Variants in KCNMA1 observed in about 807,000 individuals in gnomAD.
The protein encoded by KCNMA1 is Calcium-activated potassium channel subunit alpha-1.
In KCNMA1, 29 loss-of-function variants were observed where a neutral mutation model predicts 140.0. That is an observed-to-expected ratio of 0.21 (90% CI 0.15 to 0.28). The LOEUF (loss-of-function observed/expected upper bound fraction) is 0.28. Among genes scored for constraint, KCNMA1 ranks in the 10% least tolerant of loss-of-function variants. The probability of loss-of-function intolerance (pLI) is 1.00; values close to 1 mark genes in which losing one functional copy is unlikely to be tolerated. For missense variants in KCNMA1, 880 were observed against 1,602.2 expected, an observed-to-expected ratio of 0.55 and a Z score of 7.70; for synonymous variants, 612 against 611.9, an observed-to-expected ratio of 1.00 and a Z score of 0.00.
intron 5 of KCNMA1, among the ~76,000 whole-genome samples, chr10:77,182,953 T>G (rs182237766): frequency 6.6e-6 from 1 of 152,176 alleles, no homozygotes; most frequent in East Asian, 1.9e-4. Context: ...AAGCTTCATC[T>G]CTCCCTGCCC....
chr10:77,006,408 T>C (rs2088663118), intron 18 of KCNMA1, among the ~76,000 whole-genome samples: 1 of 152,200 alleles, frequency 6.6e-6, no homozygotes, highest in Admixed American at 6.5e-5. Flanking sequence ...CTACTCTTCA[T>C]GGGCTCTGCA....
intron 2 of KCNMA1, among the ~76,000 whole-genome samples, chr10:77,265,396 G>A (rs186637872): frequency 1.2e-4 from 18 of 152,224 alleles, no homozygotes; most frequent in African/African-American, 2.4e-4. Context: ...TGATGCTGCT[G>A]GTTCAGAGAC....
chr10:77,506,596 A>AGAGAGGGTGTGT, intron 1 of KCNMA1, among the ~76,000 whole-genome samples: 1 of 83,532 alleles, frequency 1.2e-5, no homozygotes, highest in Non-Finnish European at 2.0e-5. Context: ...AGAGAGAGAG[A>AGAGAGGGTGTGT]GTGTGTGTGT....
chr10:77,630,778 C>G (rs902102633), intron 1 of KCNMA1, among the ~76,000 whole-genome samples: 8 of 151,978 alleles, frequency 5.3e-5, no homozygotes, highest in African/African-American at 1.9e-4. Context: ...TCACAGCCTG[C>G]ATTTTAACAG....
At chr10:77,460,189 G>C (rs188130635) in intron 1 of KCNMA1, among the ~76,000 whole-genome samples, 1 of 152,302 alleles carries the variant, frequency 6.6e-6, no homozygotes, top group East Asian at 1.9e-4. Flanking sequence ...CTGCTCTACA[G>C]TGAGTGCTAT....
intron 15 of KCNMA1, chr10:77,039,160 T>C (rs977580637): frequency 1.2e-5 from 4 of 321,454 alleles, no homozygotes; most frequent in South Asian, 3.7e-5. Context: ...ATTCCTTTCA[T>C]TGAGGGGCTG....
At chr10:77,313,208 A>G (rs1195197422) in intron 2 of KCNMA1, among the ~76,000 whole-genome samples, 1 of 152,252 alleles carries the variant, frequency 6.6e-6, no homozygotes, top group African/African-American at 2.4e-5. Flanking sequence ...AAACGCTAGC[A>G]TAAAGCTGGT....
In KCNMA1 at chr10:77,056,856, AAATTGTGCAATT is replaced by A. The variant is rs1594917653; in HGVS notation, c.1749+16229_1749+16240del. 3.3e-5 allele frequency among the ~76,000 whole-genome samples: 5 copies of A among 152,338 alleles called. No individual in the cohort carries two copies. In the South Asian group the frequency reaches 1.0e-3, roughly 32 times the overall value. On this transcript the variant is annotated intron_variant, in intron 14 of 27. Transcript: ENST00000286628. ...AATGAACTTGAAGCTAGGTCAATAT[AAATTGTGCAATT>A]TGAACAACAGAGAGAAAAAAGTATT...
intron 3 of KCNMA1, among the ~76,000 whole-genome samples, chr10:77,245,157 C>G (rs1185277231): frequency 6.6e-6 from 1 of 151,990 alleles, no homozygotes; most frequent in Non-Finnish European, 1.5e-5. Context: ...CATGCCGTGA[C>G]TTCTCAAAAA....
chr10:76,887,142 C>A lies in KCNMA1; in HGVS notation c.*124G>T. 1 of 1,605,174 alleles carries A rather than the reference C, an allele frequency of 6.2e-7. No homozygotes were observed. Among genetic ancestry groups the A allele is most frequent in the Non-Finnish European group, 8.5e-7 (1 of 1,178,538 alleles). On this transcript the variant is annotated 3_prime_UTR_variant, in exon 28 of 28. Coordinates refer to ENST00000286628, the MANE Select transcript of KCNMA1 (RefSeq NM_001161352.2). ...CCACATGCACACTATCATACATATG[C>A]AAATATGTGTAAAAAAAAAGGGGGG...
At position 77,012,364 on chromosome 10, in the gene KCNMA1, G is replaced by A. The variant is rs578110100; in HGVS notation, c.2016-321C>T. ...TTGAGAACAGCCTTTGATGCTACTC[G>A]TGGGGACATGTGGGCAATGAGCCCT... On this transcript the variant is annotated intron_variant, in intron 17 of 27. Coordinates refer to ENST00000286628, the MANE Select transcript of KCNMA1 (RefSeq NM_001161352.2). The A allele has an allele frequency of 1.0e-4, 157 of 1,497,798 alleles. No individual in the cohort carries two copies. The South Asian group carries it at 1.4e-3, about 14-fold the overall frequency. 92.8% of individuals were successfully genotyped at this position (1,497,798 alleles called of 1,614,324 possible). A position where few individuals can be genotyped will look rare whatever the true frequency, so the allele number is the denominator to read the frequency against.
chr10:77,453,026 C>CTTA (rs1202727835), intron 1 of KCNMA1, among the ~76,000 whole-genome samples: 1 of 152,100 alleles, frequency 6.6e-6, no homozygotes, highest in Non-Finnish European at 1.5e-5. Flanking sequence ...AGGACAGAAC[C>CTTA]TGGTGTAAAG....
chr10:77,382,146 G>A (rs656283), intron 2 of KCNMA1, among the ~76,000 whole-genome samples: 52,895 of 151,754 alleles, frequency 0.35, 9,736 homozygotes, highest in African/African-American at 0.46. Context: ...GCTTCCTTTG[G>A]GGTAATTTCT....
At chr10:77,012,551 A>G in intron 17 of KCNMA1, 1 of 1,550,018 alleles carries the variant, frequency 6.5e-7, no homozygotes, top group African/African-American at 1.4e-5. Flanking sequence ...GACAGAGTTG[A>G]GGAGGTCTGC....
chr10:76,883,016 T>C (rs907659685), downstream of KCNMA1, among the ~76,000 whole-genome samples: 1 of 152,212 alleles, frequency 6.6e-6, no homozygotes, highest in Non-Finnish European at 1.5e-5. Context: ...ATTGTCTCTA[T>C]TGGGATGCAG....
At chr10:77,382,473 AT>A (rs2095425006) in intron 2 of KCNMA1, among the ~76,000 whole-genome samples, 1 of 152,210 alleles carries the variant, frequency 6.6e-6, no homozygotes, top group Non-Finnish European at 1.5e-5. Flanking sequence ...CAGAAGAAAC[AT>A]AAGACAAACC....
chr10:77,498,731 A>C (rs2154544366), intron 1 of KCNMA1: 1 of 152,360 alleles, frequency 6.6e-6, no homozygotes, highest in South Asian at 2.1e-4. Flanking sequence ...CACTGACTGC[A>C]TTCATGGATG....
At chr10:77,107,374 G>C (rs1016447976) in intron 9 of KCNMA1, among the ~76,000 whole-genome samples, 1 of 152,092 alleles carries the variant, frequency 6.6e-6, no homozygotes, top group Non-Finnish European at 1.5e-5. Context: ...TGTGTACATA[G>C]GTACAAGTTC....
intron 19 of KCNMA1, among the ~76,000 whole-genome samples, chr10:76,977,359 A>T (rs1010466749): frequency 6.6e-6 from 1 of 152,202 alleles, no homozygotes; most frequent in African/African-American, 2.4e-5. Flanking sequence ...TCTAAGAATA[A>T]TAATATTTGG....
Sources: allele counts gnomAD v4.1 joint callset (sites outside exome capture counted in the v4.1 genomes callset), GRCh38; gene constraint gnomAD v4.1.1; transcripts MANE v1.5; gene names NCBI Gene and HGNC (gene_info 2026-07-23, HGNC 2026-07-21).